The following PRSS3 variants were observed in gnomAD, a reference collection of about 807,000 sequenced individuals.
PRSS3 encodes trypsin-3.
PRSS3 carries 14 observed loss-of-function variants against 20.8 expected under a neutral mutation model. That is an observed-to-expected ratio of 0.67 (90% CI 0.44 to 1.05). The LOEUF is 1.05. Among genes scored for constraint, PRSS3 ranks in the 50% least tolerant of loss-of-function variants. PRSS3 has a pLI of 0.00. For missense variants in PRSS3, 237 were observed against 306.4 expected (o/e 0.77, Z 1.69); for synonymous variants, 91 against 117.6 (o/e 0.77, Z 1.46).
At chr9:33,772,616 G>T (rs12345076) in intron 1 of PRSS3, among the ~76,000 whole-genome samples, 8,594 of 151,834 alleles carry the variant, frequency 0.057, 831 homozygotes, top group African/African-American at 0.2. Flanking sequence ...TGCTTGTCTC[G>T]CCAACATCTC....
intron 1 of PRSS3, among the ~76,000 whole-genome samples, chr9:33,784,181 GTTTTGTT>G (rs978532991): frequency 2.5e-4 from 38 of 152,234 alleles, no homozygotes; most frequent in Admixed American, 6.5e-4. Flanking sequence ...TATGTTTGCA[GTTTTGTT>G]TTTTGTTTTT....
chr9:33,754,624 GT>G (rs1822856489), intron 1 of PRSS3, among the ~76,000 whole-genome samples: 1 of 151,822 alleles, frequency 6.6e-6, no homozygotes, highest in Non-Finnish European at 1.5e-5. Flanking sequence ...GAGGTCAGGA[GT>G]TCAAGACCAG....
At position 33,799,043 on chromosome 9, in the gene PRSS3, C is replaced by T. The variant is rs372796735; in HGVS notation, c.607C>T (p.Pro203Ser). ...TTCTCCCCAGCGTGACTCTGGTGGCCCTGTGGTCTGCAACGGACAGCTCCA... is the reference window on the plus strand; with the variant it reads ...TTCTCCCCAGCGTGACTCTGGTGGCTCTGTGGTCTGCAACGGACAGCTCCA... ...KDSCQRDSGG[P>S]VVCNGQLQGV... Residue 203 changes from proline to serine, a missense_variant, in exon 5 of 5, where the codon CCT becomes TCT. Pro to Ser is a moderately conservative substitution (Grantham distance 74). Coordinates refer to ENST00000379405, the MANE Select transcript of PRSS3 (RefSeq NM_002771.4). 1 of 1,614,210 alleles carries T rather than the reference C, an allele frequency of 6.2e-7. No homozygotes were observed. The highest frequency in any genetic ancestry group is 8.5e-7 in the Non-Finnish European group (1 of 1,180,038).
upstream of PRSS3, among the ~76,000 whole-genome samples, chr9:33,792,771 G>C (rs1193566906): frequency 6.6e-6 from 1 of 152,176 alleles, no homozygotes; most frequent in African/African-American, 2.4e-5. Context: ...TAACTTATAT[G>C]AGTTACATGC....
At chr9:33,791,344 G>A (rs1458314888), upstream of PRSS3, among the ~76,000 whole-genome samples, 1 of 152,106 alleles carries the variant, frequency 6.6e-6, no homozygotes, top group Non-Finnish European at 1.5e-5. Flanking sequence ...CTGAGCCTTG[G>A]GAGCCTTTTG....
intron 3 of PRSS3, 182 bp downstream of exon 3, chr9:33,798,264 C>A (rs1311897939): frequency 1.0e-5 from 14 of 1,348,434 alleles, no homozygotes; most frequent in African/African-American, 1.4e-5. Context: ...CTCCTAAAAT[C>A]AAGAGATAGG....
At chr9:33,788,908 A>G (rs1824518963) in intron 1 of PRSS3, among the ~76,000 whole-genome samples, 1 of 152,130 alleles carries the variant, frequency 6.6e-6, no homozygotes, top group East Asian at 1.9e-4. Flanking sequence ...TTAGTTTACT[A>G]ATTCACACCT....
intron 1 of PRSS3, among the ~76,000 whole-genome samples, chr9:33,762,724 C>T (rs1463784478): frequency 6.6e-6 from 1 of 152,214 alleles, no homozygotes; most frequent in Non-Finnish European, 1.5e-5. Context: ...CAGCCACTGC[C>T]CTCTCTAGGA....
chr9:33,760,230 C>G (rs1315904238), intron 1 of PRSS3, among the ~76,000 whole-genome samples: 2 of 148,846 alleles, frequency 1.3e-5, no homozygotes, highest in African/African-American at 5.0e-5. Context: ...CCTTTGAAGT[C>G]CAGAGATGTC....
At chr9:33,764,780 T>C (rs1032290948) in intron 1 of PRSS3, among the ~76,000 whole-genome samples, 2 of 152,164 alleles carry the variant, frequency 1.3e-5, no homozygotes, top group African/African-American at 4.8e-5. Flanking sequence ...AAATAATATA[T>C]CTGTTAAGAA....
intron 1 of PRSS3, among the ~76,000 whole-genome samples, chr9:33,778,917 C>T (rs145389602): frequency 4.6e-4 from 70 of 152,286 alleles, no homozygotes; most frequent in Middle Eastern, 3.4e-3. Flanking sequence ...GCCTAGCTAT[C>T]GGCCATTACT....
chr9:33,755,672 C>T (rs1822907183), intron 1 of PRSS3, among the ~76,000 whole-genome samples: 1 of 152,144 alleles, frequency 6.6e-6, no homozygotes, highest in Non-Finnish European at 1.5e-5. Flanking sequence ...CCAGTCTTTC[C>T]CCCCACCCCA....
rs1353093446 is a variant in PRSS3, at chr9:33,796,798, A to G, written c.196A>G (p.Lys66Glu). The change falls in exon 2 of 5, where the codon AAG becomes GAG. Residue 66 changes from lysine (K) to glutamate (E), a missense_variant. Coordinates refer to ENST00000379405, the MANE Select transcript of PRSS3 (RefSeq NM_002771.4). ...GGTGGTATCAGCAGCTCACTGCTAC[A>G]AGACGTAAGTGTGGGGCCCCTGACT... ...QWVVSAAHCY[K>E]TRIQVRLGEH... 7 of 1,613,996 alleles carry G rather than the reference A, an allele frequency of 4.3e-6. No homozygotes were observed. The highest frequency in any genetic ancestry group is 5.1e-6 in the Non-Finnish European group (6 of 1,179,854).
chr9:33,765,936 T>C (rs1372678764), intron 1 of PRSS3, among the ~76,000 whole-genome samples: 1 of 152,118 alleles, frequency 6.6e-6, no homozygotes, highest in Admixed American at 6.6e-5. Context: ...AAATAAAATG[T>C]GACACATCCA....
intron 1 of PRSS3, among the ~76,000 whole-genome samples, chr9:33,755,154 G>T (rs998940136): frequency 5.3e-5 from 8 of 152,126 alleles, no homozygotes; most frequent in Non-Finnish European, 1.0e-4. Flanking sequence ...GTGGTTGCGG[G>T]AATACATTTT....
intron 4 of PRSS3, 105 bp downstream of exon 4, chr9:33,798,727 G>A: frequency 2.6e-6 from 4 of 1,525,484 alleles, no homozygotes; most frequent in Non-Finnish European, 3.6e-6. Flanking sequence ...GCTCCCTGCA[G>A]TGCTCCCATG....
Position 33,798,477 on chromosome 9 carries a change from T to G in PRSS3, c.455-9T>G, listed in dbSNP as rs1216327031. On this transcript the variant is annotated splice_polypyrimidine_tract_variant and intron_variant, in intron 3 of 4. Transcript: ENST00000379405. The stretch of plus-strand genomic sequence containing the variant: ...TCTACTTTCTTTGATCTCTTCCTGA[T>G]CCTCACAGCTGACTACCCAGACGAG... 1.9e-6 allele frequency: 3 copies of G among 1,614,022 alleles called. No individual in the cohort carries two copies. Among genetic ancestry groups the G allele is most frequent in the East Asian group, 2.2e-5 (1 of 44,874 alleles).
chr9:33,759,206 G>T (rs1823072777), intron 1 of PRSS3, among the ~76,000 whole-genome samples: 1 of 152,120 alleles, frequency 6.6e-6, no homozygotes. Context: ...GCCACATTCA[G>T]GTATACACAA....
Position 33,750,879 on chromosome 9 carries a change from C to T in PRSS3, c.-53+152C>T. The T allele has an allele frequency of 7.3e-7, 1 of 1,363,442 alleles. No individual in the cohort carries two copies. Among genetic ancestry groups the T allele is most frequent in the Middle Eastern group, 1.9e-4 (1 of 5,274 alleles). The allele number at this position is 1,363,442 out of a possible 1,614,324, so 84.5% of individuals were successfully genotyped here. A position where few individuals can be genotyped will look rare whatever the true frequency, so the allele number is the denominator to read the frequency against. On this transcript the variant is annotated intron_variant, in intron 1 of 5. Coordinates refer to the PRSS3 transcript ENST00000342836. The surrounding 1 kb of genome is among the most constrained non-coding windows in gnomAD (Gnocchi z 4.8). ...TACGCGGACAGGGAGGGGATACCGA[C>T]TGGGAGGGGCTCAGGGACAGGGATG...
Sources: gnomAD v4.1 joint callset for allele counts (sites outside exome capture counted in the v4.1 genomes callset) on GRCh38, gnomAD v4.1.1 for gene constraint, Gnocchi (gnomAD v3.1) non-coding constraint, MANE v1.5 for transcripts, NCBI Gene and HGNC (gene_info 2026-07-23, HGNC 2026-07-21) for gene names.